The following RRM1 variants were observed in gnomAD, a reference collection of about 807,000 sequenced individuals.
RRM1 encodes ribonucleoside-diphosphate reductase large subunit.
Under a neutral mutation model 101.5 loss-of-function variants are expected in RRM1, and 19 were observed. The observed-to-expected ratio is 0.19, with a 90% CI of 0.13 to 0.27. The LOEUF (loss-of-function observed/expected upper bound fraction) is 0.27, where lower values mean the gene tolerates loss of function less well. Among genes scored for constraint, RRM1 ranks in the 10% least tolerant of loss-of-function variants. RRM1 has a pLI of 1.00. For synonymous variants in RRM1, 298 were observed against 323.4 expected (o/e 0.92, Z 0.84); for missense variants, 500 against 962.9 (o/e 0.52, Z 6.36).
At chr11:4,097,539 T>C (rs966045802) in intron 1 of RRM1, among the ~76,000 whole-genome samples, 3 of 152,264 alleles carry the variant, frequency 2.0e-5, no homozygotes, top group East Asian at 3.9e-4. Flanking sequence ...TGGACTTTTT[T>C]TGTACCCCCT....
intron 17 of RRM1, among the ~76,000 whole-genome samples, chr11:4,133,957 C>G (rs2584874): frequency 5.5e-5 from 8 of 144,414 alleles, no homozygotes; most frequent in African/African-American, 2.1e-4. Context: ...AATTAAATGT[C>G]TAGGAACAGG....
rs369112556 is a variant in RRM1, at chr11:4,113,853, G to A, written c.650+1791G>A. Among the ~76,000 whole-genome samples, 36 of 152,322 alleles carry A rather than the reference G, an allele frequency of 2.4e-4. No individual in the cohort carries two copies. In the Middle Eastern group the frequency reaches 0.014, roughly 58 times the overall value. On this transcript the variant is annotated intron_variant, in intron 7 of 18. Transcript: ENST00000300738. Reference sequence around the variant, plus strand: ...ATAAAAGATAAAAAATGGGCCAGGCGTGGTGGCTCACGCCTGTAATCCTAG... The same window carrying A: ...ATAAAAGATAAAAAATGGGCCAGGCATGGTGGCTCACGCCTGTAATCCTAG...
At chr11:4,115,601 G>A (rs1208520875) in intron 7 of RRM1, among the ~76,000 whole-genome samples, 2 of 151,824 alleles carry the variant, frequency 1.3e-5, no homozygotes, top group Non-Finnish European at 2.9e-5. Flanking sequence ...TTGTCACTGA[G>A]GCTGGAGTGC....
At chr11:4,113,963 C>T (rs1416784960) in intron 7 of RRM1, among the ~76,000 whole-genome samples, 2 of 151,708 alleles carry the variant, frequency 1.3e-5, no homozygotes, top group African/African-American at 2.4e-5. Context: ...CCTGTCTGTA[C>T]TAAAAATATA....
Position 4,132,210 on chromosome 11 carries a change from A to G in RRM1, c.1770-76A>G. Reference sequence around the variant, plus strand: ...TTTACTACATTTATCTACATTTACTACAGTGACTTAAAGTAGCTGCTTTCC... The same window carrying G: ...TTTACTACATTTATCTACATTTACTGCAGTGACTTAAAGTAGCTGCTTTCC... On this transcript the variant is annotated intron_variant, in intron 15 of 18. Coordinates refer to ENST00000300738, the MANE Select transcript of RRM1 (RefSeq NM_001033.5). This position sits in a 1 kb window ranked among gnomAD's most constrained non-coding sequence, Gnocchi z 4.1. 1 of 1,369,698 alleles carries G rather than the reference A, an allele frequency of 7.3e-7. No homozygotes were observed. Among genetic ancestry groups the G allele is most frequent in the Non-Finnish European group, 1.0e-6 (1 of 962,218 alleles). The allele number at this position is 1,369,698 out of a possible 1,614,324, so 84.8% of individuals were successfully genotyped here.
chr11:4,111,133 C>T (rs577953385), intron 5 of RRM1, among the ~76,000 whole-genome samples: 1 of 152,126 alleles, frequency 6.6e-6, no homozygotes, highest in South Asian at 2.1e-4. Flanking sequence ...AGTTTGACAC[C>T]AGCCTGGGCA....
chr11:4,109,744 A>G (rs1437756087), intron 5 of RRM1, 41 bp downstream of exon 5: 1 of 1,469,322 alleles, frequency 6.8e-7, no homozygotes, highest in South Asian at 1.2e-5. Flanking sequence ...TTATACTTAA[A>G]TCATGAAATA....
At chr11:4,102,273 T>G (rs184061706) in intron 2 of RRM1, among the ~76,000 whole-genome samples, 192 bp downstream of exon 2, 16 of 152,374 alleles carry the variant, frequency 1.1e-4, no homozygotes, top group Admixed American at 1.0e-3. Context: ...GTTCTCACTT[T>G]TCAGAGAACT....
At chr11:4,130,086 A>ATATATATATATTTTTTT (rs1202870487) in intron 15 of RRM1, among the ~76,000 whole-genome samples, 5 of 99,446 alleles carry the variant, frequency 5.0e-5, no homozygotes, top group African/African-American at 2.7e-4. Flanking sequence ...ATATATATAT[A>ATATATATATATTTTTTT]TTTTTTTTTT....
intron 18 of RRM1, among the ~76,000 whole-genome samples, chr11:4,135,881 G>A (rs1039812498): frequency 6.7e-6 from 1 of 150,088 alleles, no homozygotes. Flanking sequence ...TGAACATCTA[G>A]TATGTGCCAG....
intron 3 of RRM1, among the ~76,000 whole-genome samples, chr11:4,106,871 T>G (rs2094558998): frequency 6.6e-6 from 1 of 152,208 alleles, no homozygotes; most frequent in African/African-American, 2.4e-5. Context: ...TCTTTGTTCT[T>G]TTTTTCATTT....
chr11:4,111,034 C>G (rs976853065), intron 5 of RRM1, among the ~76,000 whole-genome samples: 1 of 151,926 alleles, frequency 6.6e-6, no homozygotes, highest in Non-Finnish European at 1.5e-5. Flanking sequence ...GTGTGTAGAG[C>G]TGGCTTTTTC....
intron 4 of RRM1, 38 bp from the exon 5 acceptor site, chr11:4,109,606 T>C (rs2094562762): frequency 6.5e-7 from 1 of 1,542,880 alleles, no homozygotes; most frequent in African/African-American, 1.4e-5. Context: ...TAAGTAATTA[T>C]TTTAATTTAA....
intron 1 of RRM1, among the ~76,000 whole-genome samples, chr11:4,100,839 T>A (rs938895431): frequency 6.6e-6 from 1 of 151,608 alleles, no homozygotes; most frequent in African/African-American, 2.4e-5. Context: ...CAAATGAAGA[T>A]CTGTGAAATG....
Position 4,135,122 on chromosome 11 carries a change from A to G in RRM1, c.2042A>G (p.Lys681Arg). 1 of 1,613,034 alleles carries G rather than the reference A, an allele frequency of 6.2e-7. No homozygotes were observed. The highest frequency in any genetic ancestry group is 8.5e-7 in the Non-Finnish European group (1 of 1,179,490). Residue 681 changes from lysine (K) to arginine (R), a missense_variant, in exon 18 of 19, where the codon AAA (lysine) becomes AGA (arginine). Physicochemically the swap from Lys to Arg is conservative, Grantham distance 26. Transcript: ENST00000300738. Reference sequence around the variant, plus strand: ...CCTGATGACCTGAAGCAACTTTATAAAACTGTGTGGGAAATCTCTCAGAAA... The same window carrying G: ...CCTGATGACCTGAAGCAACTTTATAGAACTGTGTGGGAAATCTCTCAGAAA... ...EIPDDLKQLY[K>R]TVWEISQKTV... is the part of the protein sequence containing the mutation.
intron 1 of RRM1, 119 bp downstream of exon 1, chr11:4,095,150 G>C: frequency 4.4e-6 from 5 of 1,141,942 alleles, no homozygotes; most frequent in Non-Finnish European, 6.1e-6. Flanking sequence ...CGCATTTCCC[G>C]CCGCGGCCTT....
In RRM1 at chr11:4,121,643, T is replaced by G. The variant is rs989739493; in HGVS notation, c.916T>G (p.Leu306Val). The change falls in exon 10 of 19, where the codon TTA becomes GTA. Residue 306 changes from leucine to valine, a missense_variant. Leu to Val is a conservative substitution (Grantham distance 32). Coordinates refer to ENST00000300738, the MANE Select transcript of RRM1 (RefSeq NM_001033.5). ...TGCTATTTACCTGGAGCCTTGGCAT[T>G]TAGACATCTTTGAATTCCTTGATTT... is the stretch of plus-strand genomic sequence containing the variant. ...AFAIYLEPWH[L>V]DIFEFLDLKK... is the part of the protein sequence containing the mutation. The G allele has an allele frequency of 6.2e-7, 1 of 1,613,796 alleles. No individual in the cohort carries two copies. Among genetic ancestry groups the G allele is most frequent in the Admixed American group, 1.7e-5 (1 of 59,982 alleles).
At chr11:4,130,993 A>G (rs1282763307) in intron 15 of RRM1, among the ~76,000 whole-genome samples, 2 of 152,232 alleles carry the variant, frequency 1.3e-5, no homozygotes, top group African/African-American at 2.4e-5. Flanking sequence ...TAAAAAAATA[A>G]TAATAACTAA....
chr11:4,098,571 CAAAT>C, intron 1 of RRM1, among the ~76,000 whole-genome samples: 1 of 152,162 alleles, frequency 6.6e-6, no homozygotes, highest in African/African-American at 2.4e-5. Flanking sequence ...GAAAGATAGA[CAAAT>C]AAAGAAGTAA....
Sources: allele counts gnomAD v4.1 joint callset (sites outside exome capture counted in the v4.1 genomes callset), GRCh38; gene constraint gnomAD v4.1.1; non-coding constraint Gnocchi (gnomAD v3.1); transcripts MANE v1.5; gene names NCBI Gene and HGNC (gene_info 2026-07-23, HGNC 2026-07-21).